The following CLIP1 variants were observed in gnomAD, a reference collection of about 807,000 sequenced individuals.
CLIP1 encodes the protein CAP-Gly domain-containing linker protein 1.
In CLIP1, 66 loss-of-function variants were observed where a neutral mutation model predicts 161.6. That is an observed-to-expected ratio of 0.41 (90% CI 0.33 to 0.50). The LOEUF is 0.50. Among genes scored for constraint, CLIP1 ranks in the 20% least tolerant of loss-of-function variants. CLIP1 has a pLI of 0.27. For missense variants in CLIP1, 1,376 were observed against 1,702.0 expected, an observed-to-expected ratio of 0.81 and a Z score of 3.37; for synonymous variants, 598 against 626.2, an observed-to-expected ratio of 0.96 and a Z score of 0.67.
intron 20 of CLIP1, among the ~76,000 whole-genome samples, chr12:122,299,196 A>C (rs542820387): frequency 1.3e-5 from 2 of 151,806 alleles, no homozygotes; most frequent in Non-Finnish European, 2.9e-5. Flanking sequence ...GCAGAGGCAG[A>C]GTGGAAAAGA....
rs2061060779 is a variant in CLIP1, at chr12:122,341,044, T to C, written c.2160A>G (p.Ala720=). 6.2e-7 allele frequency: 1 copy of C among 1,614,086 alleles called. No homozygotes were observed. Among genetic ancestry groups the C allele is most frequent in the African/African-American group, 1.3e-5 (1 of 74,936 alleles). ...CCATTTCTACGAGATGCTGGTCTTC[T>C]GCTTTGTCCAGTTTCGACCTGATGG... ...LEAIRSKLDK[A]EDQHLVEMED... Residue 720 remains alanine, a synonymous_variant, in exon 11 of 26, where the codon GCA becomes GCG. Coordinates refer to ENST00000620786, the MANE Select transcript of CLIP1 (RefSeq NM_001247997.2).
chr12:122,299,612 CAAAAAAAAA>C (rs71082962), intron 20 of CLIP1, among the ~76,000 whole-genome samples: 1 of 62,500 alleles, frequency 1.6e-5, no homozygotes, highest in Non-Finnish European at 2.9e-5. Flanking sequence ...ATAAATTCAG[CAAAAAAAAA>C]AAAAAAAAAA....
intron 1 of CLIP1, among the ~76,000 whole-genome samples, chr12:122,406,527 CT>C (rs1378931178): frequency 6.6e-6 from 1 of 152,144 alleles, no homozygotes; most frequent in African/African-American, 2.4e-5. Context: ...TAAAATTAGC[CT>C]GCTAACCTTA....
chr12:122,367,525 C>T (rs920306563), intron 3 of CLIP1, among the ~76,000 whole-genome samples: 8 of 152,102 alleles, frequency 5.3e-5, no homozygotes, highest in Admixed American at 3.3e-4. Context: ...CGCATTTCAA[C>T]GGGACTTTAC....
chr12:122,286,585 G>A (rs940179707), intron 21 of CLIP1, among the ~76,000 whole-genome samples: 6 of 149,754 alleles, frequency 4.0e-5, no homozygotes, highest in Admixed American at 2.7e-4. Flanking sequence ...CACGGCAGTG[G>A]TGAAACACAC....
At chr12:122,412,282 G>A (rs758297177) in intron 1 of CLIP1, among the ~76,000 whole-genome samples, 30 of 150,374 alleles carry the variant, frequency 2.0e-4, no homozygotes, top group South Asian at 1.5e-3. Flanking sequence ...CTGAGCTCAC[G>A]GGATCCATCC....
At chr12:122,366,337 T>A (rs970508264) in intron 3 of CLIP1, among the ~76,000 whole-genome samples, 31 of 146,984 alleles carry the variant, frequency 2.1e-4, no homozygotes, top group African/African-American at 7.3e-4. Context: ...CAAAAAATAA[T>A]TGGCCCAGTG....
chr12:122,373,817 G>A (rs1234708806), intron 3 of CLIP1, among the ~76,000 whole-genome samples: 1 of 152,052 alleles, frequency 6.6e-6, no homozygotes, highest in Non-Finnish European at 1.5e-5. Flanking sequence ...ATCTACGAAA[G>A]CATATTATGA....
chr12:122,385,780 A>G (rs1955230712), intron 1 of CLIP1, among the ~76,000 whole-genome samples: 1 of 152,204 alleles, frequency 6.6e-6, no homozygotes, highest in Non-Finnish European at 1.5e-5. Context: ...ACATATCAGC[A>G]GGAAACAACA....
chr12:122,418,884 G>A (rs1956843270), intron 1 of CLIP1, among the ~76,000 whole-genome samples: 1 of 152,172 alleles, frequency 6.6e-6, no homozygotes, highest in South Asian at 2.1e-4. Context: ...GAAGAAAGAA[G>A]CTGATTATTT....
chr12:122,297,738 TCA>T (rs1950527605), intron 20 of CLIP1, among the ~76,000 whole-genome samples: 1 of 152,128 alleles, frequency 6.6e-6, no homozygotes, highest in Admixed American at 6.5e-5. Flanking sequence ...AGAGGAAGCC[TCA>T]GTCATTTTTG....
chr12:122,298,656 A>C (rs908033093), intron 20 of CLIP1, among the ~76,000 whole-genome samples: 12 of 151,814 alleles, frequency 7.9e-5, no homozygotes, highest in Admixed American at 6.6e-4. Context: ...GTCCTTTATC[A>C]AAGAATGATA....
intron 1 of CLIP1, among the ~76,000 whole-genome samples, chr12:122,384,171 T>G (rs7973438): frequency 0.99 from 150,849 of 152,272 alleles, 74,737 homozygotes; most frequent in East Asian, 1. Context: ...AAGGTCATTC[T>G]GCTCAGTGGC....
intron 1 of CLIP1, among the ~76,000 whole-genome samples, chr12:122,416,114 T>A (rs1956747191): frequency 6.6e-6 from 1 of 151,444 alleles, no homozygotes; most frequent in Admixed American, 6.6e-5. Flanking sequence ...GGCAGGCGCC[T>A]GTAATCCCAG....
chr12:122,378,019 T>A, intron 2 of CLIP1, 59 bp from the exon 3 acceptor site: 1 of 1,449,102 alleles, frequency 6.9e-7, no homozygotes, highest in Non-Finnish European at 9.3e-7. Flanking sequence ...ACCTCTAACT[T>A]AAAGAAAAAC....
At chr12:122,377,989 A>G in intron 2 of CLIP1, 29 bp from the exon 3 acceptor site, 1 of 1,549,192 alleles carries the variant, frequency 6.5e-7, no homozygotes. Flanking sequence ...AAGAGATTCG[A>G]TTTAATTTTC....
chr12:122,359,985 A>T (rs1030854855), intron 5 of CLIP1, among the ~76,000 whole-genome samples: 2 of 152,224 alleles, frequency 1.3e-5, no homozygotes, highest in African/African-American at 4.8e-5. Context: ...CTTAATAAAC[A>T]GAATGAGGTG....
At chr12:122,347,587 A>T (rs1952810735) in intron 9 of CLIP1, 108 bp from the exon 10 acceptor site, 2 of 787,258 alleles carry the variant, frequency 2.5e-6, no homozygotes, top group African/African-American at 1.7e-5. Context: ...CCTTCTGCCA[A>T]AGGGTGAACC....
chr12:122,357,914 G>A (rs1296431296), intron 5 of CLIP1, among the ~76,000 whole-genome samples: 1 of 151,992 alleles, frequency 6.6e-6, no homozygotes, highest in Non-Finnish European at 1.5e-5. Context: ...CCCTCTGCCC[G>A]GCCACCACCC....
Sources: gnomAD v4.1 joint callset for allele counts (sites outside exome capture counted in the v4.1 genomes callset) on GRCh38, gnomAD v4.1.1 for gene constraint, MANE v1.5 for transcripts, NCBI Gene and HGNC (gene_info 2026-07-23, HGNC 2026-07-21) for gene names.